Variants in MINDY2 observed in about 807,000 individuals in gnomAD.
MINDY2 encodes the protein MINDY lysine 48 deubiquitinase 2.
In MINDY2, 52 loss-of-function variants were observed where a neutral mutation model predicts 68.2. That is an observed-to-expected ratio of 0.76 (90% CI 0.61 to 0.96). MINDY2 has a LOEUF of 0.96. MINDY2 is among the 40% of genes least tolerant of loss of function. The pLI is 0.00. For synonymous variants in MINDY2, 372 were observed against 303.0 expected (o/e 1.23, Z -2.36); for missense variants, 881 against 773.4 (o/e 1.14, Z -1.65).
chr15:58,782,912 T>TG (rs1901246143), intron 1 of MINDY2, among the ~76,000 whole-genome samples: 2 of 10,170 alleles, frequency 2.0e-4, no homozygotes, highest in Admixed American at 1.3e-3. Context: ...TTTCTCTCTG[T>TG]TTTTTTTTTT....
intron 6 of MINDY2, among the ~76,000 whole-genome samples, chr15:58,835,049 ATTTATTCAT>A (rs1413934279): frequency 6.6e-6 from 1 of 152,164 alleles, no homozygotes; most frequent in Non-Finnish European, 1.5e-5. Context: ...CAAGTCTAGG[ATTTATTCAT>A]TTATTTAACA....
In MINDY2 at chr15:58,771,747, G is replaced by C. The variant is rs756016282; in HGVS notation, c.352G>C (p.Gly118Arg). Residue 118 changes from glycine to arginine, a missense_variant, in exon 1 of 9, where the codon GGA becomes CGA. Gly to Arg is a moderately radical substitution (Grantham distance 125). Transcript: ENST00000559228. ...VTASPETAVA[G>R]VGHELGTAGD... ...CGCCTCCCCGGAGACAGCCGTGGCC[G>C]GAGTGGGTCATGAGTTGGGTACCGC... is the stretch of plus-strand genomic sequence containing the variant. 6.2e-7 allele frequency: 1 copy of C among 1,611,484 alleles called. No individual in the cohort carries two copies. The highest frequency in any genetic ancestry group is 1.7e-5 in the Admixed American group (1 of 59,862).
intron 1 of MINDY2, among the ~76,000 whole-genome samples, chr15:58,784,776 C>T (rs1273767392): frequency 6.6e-6 from 1 of 151,882 alleles, no homozygotes; most frequent in East Asian, 1.9e-4. Flanking sequence ...CGTGCCACCA[C>T]ACCTGGCTAA....
chr15:58,818,100 A>G (rs2030821481), intron 4 of MINDY2, among the ~76,000 whole-genome samples: 1 of 152,314 alleles, frequency 6.6e-6, no homozygotes, highest in Non-Finnish European at 1.5e-5. Flanking sequence ...ACAACCTTAC[A>G]TTATGTATTT....
Position 58,847,360 on chromosome 15 carries a change from A to G in MINDY2, c.1432A>G (p.Ser478Gly), listed in dbSNP as rs2032587187. The change falls in exon 7 of 9, where the codon AGC (serine) becomes GGC (glycine). Residue 478 changes from serine to glycine, a missense_variant. Ser to Gly is a moderately conservative substitution (Grantham distance 56). Coordinates refer to ENST00000559228, the MANE Select transcript of MINDY2 (RefSeq NM_001040450.3). Reference sequence around the variant, plus strand: ...TACTGAAGAGAAAGTTGTTTGGGAAAGCCTACACAACGTAGATGGTGATGG... The same window carrying G: ...TACTGAAGAGAAAGTTGTTTGGGAAGGCCTACACAACGTAGATGGTGATGG... ...FLTEEKVVWESLHNVDGDGNF... is the reference protein window; with the variant it reads ...FLTEEKVVWEGLHNVDGDGNF... 3 of 1,605,130 alleles carry G rather than the reference A, an allele frequency of 1.9e-6. No homozygotes were observed. Among genetic ancestry groups the G allele is most frequent in the Non-Finnish European group, 2.6e-6 (3 of 1,173,214 alleles).
intron 2 of MINDY2, among the ~76,000 whole-genome samples, chr15:58,789,332 C>T (rs1000206956): frequency 1.3e-5 from 2 of 152,132 alleles, no homozygotes; most frequent in Non-Finnish European, 2.9e-5. Flanking sequence ...AGCGAGACTC[C>T]GTCTCAAAAA....
intron 5 of MINDY2, among the ~76,000 whole-genome samples, chr15:58,827,181 C>G (rs2031451313): frequency 6.6e-6 from 1 of 152,110 alleles, no homozygotes; most frequent in Admixed American, 6.5e-5. Flanking sequence ...ATAATATCTG[C>G]CAGGTTTTTA....
intron 6 of MINDY2, among the ~76,000 whole-genome samples, chr15:58,840,260 A>G (rs1415493842): frequency 1.3e-5 from 2 of 152,236 alleles, no homozygotes; most frequent in Non-Finnish European, 2.9e-5. Context: ...AGTACAAACA[A>G]TGATTTTTAT....
chr15:58,811,551 C>T (rs2030255240), intron 4 of MINDY2, among the ~76,000 whole-genome samples: 2 of 152,212 alleles, frequency 1.3e-5, no homozygotes, highest in Admixed American at 6.5e-5. Context: ...AGAGGGAATA[C>T]TTAGCAGAAC....
At chr15:58,817,179 G>C (rs1219549614) in intron 4 of MINDY2, among the ~76,000 whole-genome samples, 7 of 152,088 alleles carry the variant, frequency 4.6e-5, no homozygotes, top group Admixed American at 4.6e-4. Context: ...GTAAAAGCAA[G>C]CCACAGAGTA....
At chr15:58,821,929 T>A in intron 5 of MINDY2, 110 bp downstream of exon 5, 2 of 666,496 alleles carry the variant, frequency 3.0e-6, no homozygotes, top group Non-Finnish European at 4.8e-6. Context: ...AAACACATGT[T>A]ATATTACTTG....
At chr15:58,782,087 C>T (rs1326314661) in intron 1 of MINDY2, among the ~76,000 whole-genome samples, 4 of 151,750 alleles carry the variant, frequency 2.6e-5, no homozygotes, top group African/African-American at 7.3e-5. Context: ...TTTGCTGGAG[C>T]CAGAATTAAA....
chr15:58,821,620 G>C, intron 4 of MINDY2, 97 bp from the exon 5 acceptor site: 1 of 569,702 alleles, frequency 1.8e-6, no homozygotes, highest in Non-Finnish European at 2.7e-6. Flanking sequence ...TTTATATTTA[G>C]TATTATATTA....
At chr15:58,813,028 AT>A in intron 4 of MINDY2, among the ~76,000 whole-genome samples, 1 of 152,216 alleles carries the variant, frequency 6.6e-6, no homozygotes, top group Middle Eastern at 3.4e-3. Flanking sequence ...TAATTTTGTT[AT>A]TTTGAGAATA....
In MINDY2 at chr15:58,838,701, C is replaced by A. The variant is rs189582613; in HGVS notation, c.1368+6785C>A. 4.7e-3 allele frequency among the ~76,000 whole-genome samples: 703 copies of A among 149,270 alleles called. 3 individuals carry two copies. The highest frequency in any genetic ancestry group is 8.8e-3 in the Non-Finnish European group (593 of 67,736). ...TCTCAGGTTCAAGCGATTGTCCTGC[C>A]TCAGCCTCCCAAGTAGTTGGGATTA... is the stretch of plus-strand genomic sequence containing the variant. On this transcript the variant is annotated intron_variant, in intron 6 of 8. Coordinates refer to ENST00000559228, the MANE Select transcript of MINDY2 (RefSeq NM_001040450.3).
chr15:58,800,715 T>C (rs1902583589), intron 2 of MINDY2, among the ~76,000 whole-genome samples: 1 of 150,692 alleles, frequency 6.6e-6, no homozygotes, highest in African/African-American at 2.4e-5. Context: ...GTGTCTTTAG[T>C]CCCAGCTACT....
chr15:58,784,887 A>G (rs1034229973), intron 1 of MINDY2, among the ~76,000 whole-genome samples: 1 of 151,896 alleles, frequency 6.6e-6, no homozygotes, highest in African/African-American at 2.4e-5. Flanking sequence ...CTTTCACTTC[A>G]GCCTCCCAAA....
chr15:58,835,769 C>T (rs1321807223), intron 6 of MINDY2, among the ~76,000 whole-genome samples: 1 of 152,112 alleles, frequency 6.6e-6, no homozygotes, highest in Non-Finnish European at 1.5e-5. Flanking sequence ...TATGCAAAGG[C>T]CCTGAGGAAG....
chr15:58,787,858 A>T, intron 1 of MINDY2, 48 bp from the exon 2 acceptor site: 1 of 1,270,302 alleles, frequency 7.9e-7, no homozygotes, highest in Non-Finnish European at 1.1e-6. Flanking sequence ...GAAATACTTT[A>T]GTCACCTAAA....
Sources: allele counts gnomAD v4.1 joint callset (sites outside exome capture counted in the v4.1 genomes callset), GRCh38; gene constraint gnomAD v4.1.1; transcripts MANE v1.5; gene names NCBI Gene and HGNC (gene_info 2026-07-23, HGNC 2026-07-21).